The following MYL4 variants were observed in gnomAD, a reference collection of about 807,000 sequenced individuals.
The protein encoded by MYL4 is atrial myosin light chain 1.
Under a neutral mutation model 21.6 loss-of-function variants are expected in MYL4, and 16 were observed. That is an observed-to-expected ratio of 0.74 (90% CI 0.50 to 1.12). The LOEUF is 1.12. Among genes scored for constraint, MYL4 ranks in the 50% most tolerant of loss-of-function variants. MYL4 has a pLI of 0.00. For missense variants in MYL4, 249 were observed against 252.9 expected, an observed-to-expected ratio of 0.98 and a Z score of 0.11; for synonymous variants, 82 against 95.7, an observed-to-expected ratio of 0.86 and a Z score of 0.83.
At chr17:47,191,835 G>A in the MYL4 span, among the ~76,000 whole-genome samples, 9 of 152,214 alleles carry the variant, frequency 5.9e-5, no homozygotes, top group Admixed American at 1.3e-4. Context: ...GGTCATTTAC[G>A]GACTCAGCTC....
rs117856080 is a variant in MYL4, at chr17:47,212,450, G to A, written c.136-1349G>A. Among the ~76,000 whole-genome samples, 36 of 152,338 alleles carry A rather than the reference G, an allele frequency of 2.4e-4. No homozygotes were observed. In the East Asian group the frequency reaches 6.0e-3, roughly 25 times the overall value. ...GTGGCTTCAAGGAGACAGAGTGCACGTAAAGGCATGACTGGAAACAATTAG... is the reference window on the plus strand; with the variant it reads ...GTGGCTTCAAGGAGACAGAGTGCACATAAAGGCATGACTGGAAACAATTAG... On this transcript the variant is annotated intron_variant, in intron 1 of 6. Transcript: ENST00000393450.
chr17:47,189,504 A>G, the MYL4 span: 3 of 420,546 alleles, frequency 7.1e-6, no homozygotes, highest in East Asian at 4.7e-5. Flanking sequence ...GCCTTCAGCC[A>G]CGCACACCAC....
At chr17:47,209,125 A>G (rs1278489440), upstream of MYL4, 2 of 511,670 alleles carry the variant, frequency 3.9e-6, no homozygotes, top group Non-Finnish European at 7.0e-6. Context: ...GTTTCCACCA[A>G]TTGGCAAGAA....
At chr17:47,226,050 A>G (rs1261543524), downstream of MYL4, among the ~76,000 whole-genome samples, 1 of 151,936 alleles carries the variant, frequency 6.6e-6, no homozygotes, top group Non-Finnish European at 1.5e-5. Context: ...TTCTTTCTTC[A>G]GCAAGTATTT....
chr17:47,224,776 C>A (rs138499899), downstream of MYL4, among the ~76,000 whole-genome samples: 312 of 152,236 alleles, frequency 2.0e-3, 1 homozygote, highest in African/African-American at 7.2e-3. Flanking sequence ...CTCCTGGTAC[C>A]TGGTTCAGTC....
At chr17:47,204,354 T>C (rs1309322970), upstream of MYL4, among the ~76,000 whole-genome samples, 1 of 152,254 alleles carries the variant, frequency 6.6e-6, no homozygotes, top group Non-Finnish European at 1.5e-5. Context: ...TCTTCATTTC[T>C]TGATATTTTC....
At chr17:47,216,734 G>T (rs190365118) in intron 2 of MYL4, among the ~76,000 whole-genome samples, 188 of 134,546 alleles carry the variant, frequency 1.4e-3, no homozygotes, top group South Asian at 2.8e-3. Flanking sequence ...TGCGCTTGTT[G>T]CCCAGGCTGG....
chr17:47,201,134 A>C (rs956422788), intron 1 of MYL4, among the ~76,000 whole-genome samples: 3 of 152,218 alleles, frequency 2.0e-5, no homozygotes, highest in African/African-American at 7.2e-5. Flanking sequence ...GAGCCACTGC[A>C]CTCCAGCCTG....
At chr17:47,205,055 A>T (rs2064722427), upstream of MYL4, among the ~76,000 whole-genome samples, 1 of 152,152 alleles carries the variant, frequency 6.6e-6, no homozygotes. Context: ...GTTAGAGATG[A>T]AGGGAGGAGG....
chr17:47,202,839 A>G (rs1224581852), intron 1 of MYL4, among the ~76,000 whole-genome samples: 1 of 152,242 alleles, frequency 6.6e-6, no homozygotes, highest in African/African-American at 2.4e-5. Flanking sequence ...ACTTACATTG[A>G]AATAATGTAT....
chr17:47,203,896 G>A (rs1393014858), intron 1 of MYL4, among the ~76,000 whole-genome samples: 1 of 152,194 alleles, frequency 6.6e-6, no homozygotes, highest in African/African-American at 2.4e-5. Flanking sequence ...CTCCATGTCA[G>A]GGCTTCACCC....
At chr17:47,211,332 G>A (rs1217330939) in intron 1 of MYL4, among the ~76,000 whole-genome samples, 1 of 152,082 alleles carries the variant, frequency 6.6e-6, no homozygotes, top group Non-Finnish European at 1.5e-5. Flanking sequence ...AGGGTAATTT[G>A]AGGCCAGGCA....
upstream of MYL4, among the ~76,000 whole-genome samples, chr17:47,204,731 GA>G (rs11307481): frequency 0.46 from 65,059 of 141,264 alleles, 15,124 homozygotes; most frequent in East Asian, 0.77. Flanking sequence ...ACCCTGTCTC[GA>G]AAAAAAAAAA....
At chr17:47,203,444 T>C (rs1207899563) in intron 1 of MYL4, among the ~76,000 whole-genome samples, 1 of 152,196 alleles carries the variant, frequency 6.6e-6, no homozygotes, top group African/African-American at 2.4e-5. Context: ...TATTATGTGC[T>C]CTATTTTGGT....
rs200874260 is a variant in MYL4 at position 47,216,695 on chromosome 17, C to CTT, written c.163+2871_163+2872dup. ...ATCATGACATCTTTTTTTTCTTTTT[C>CTT]TTTCTTTTTTTTTTTTGAGACAGAG... On this transcript the variant is annotated intron_variant, in intron 2 of 6. Transcript: ENST00000393450. Among the ~76,000 whole-genome samples, 30 of 141,892 alleles carry CTT rather than the reference C, an allele frequency of 2.1e-4. 1 individual carries two copies. Among genetic ancestry groups the CTT allele is most frequent in the African/African-American group, 4.2e-4 (16 of 38,222 alleles). 93.1% of individuals were successfully genotyped at this position (141,892 alleles called of 152,430 possible).
chr17:47,205,081 C>G (rs996499740), upstream of MYL4, among the ~76,000 whole-genome samples: 6 of 152,274 alleles, frequency 3.9e-5, no homozygotes, highest in Middle Eastern at 3.4e-3. Flanking sequence ...TGAGTGTTTG[C>G]GAGCTCAGCC....
chr17:47,226,734 G>A (rs1037887487), downstream of MYL4, among the ~76,000 whole-genome samples: 4 of 152,212 alleles, frequency 2.6e-5, no homozygotes, highest in African/African-American at 9.7e-5. Context: ...AGTCCTCAGG[G>A]ACCCAAGTTC....
intron 1 of MYL4, among the ~76,000 whole-genome samples, chr17:47,210,696 A>G (rs2064767422): frequency 6.6e-6 from 1 of 152,158 alleles, no homozygotes; most frequent in South Asian, 2.1e-4. Flanking sequence ...TAACCCTACA[A>G]GTATTATGCC....
At chr17:47,224,130 G>T (rs1162546026), downstream of MYL4, among the ~76,000 whole-genome samples, 6 of 152,170 alleles carry the variant, frequency 3.9e-5, no homozygotes, top group Non-Finnish European at 7.4e-5. Context: ...TATTCACATT[G>T]TTGTGTAACT....
Sources: allele counts gnomAD v4.1 joint callset (sites outside exome capture counted in the v4.1 genomes callset), GRCh38; gene constraint gnomAD v4.1.1; transcripts MANE v1.5; gene names NCBI Gene and HGNC (gene_info 2026-07-23, HGNC 2026-07-21).